HSPA9: variants seen among roughly 807,000 people sequenced by gnomAD.
The protein encoded by HSPA9 is heat shock protein family A (Hsp70) member 9, also known as stress-70 protein, mitochondrial.
In HSPA9, 28 loss-of-function variants were observed where a neutral mutation model predicts 81.5. The ratio of observed to expected loss-of-function variants is 0.34; its 90% CI spans 0.25 to 0.47. The LOEUF is 0.47. Among genes scored for constraint, HSPA9 ranks in the 20% least tolerant of loss-of-function variants. The probability of loss-of-function intolerance (pLI) is 1.00; values close to 1 mark genes in which losing one functional copy is unlikely to be tolerated. For synonymous variants in HSPA9, 293 were observed against 290.4 expected (o/e 1.01, Z -0.09); for missense variants, 678 against 838.0 (o/e 0.81, Z 2.36).
At chr5:138,560,332 C>T (rs1435536844) in intron 10 of HSPA9, among the ~76,000 whole-genome samples, 2 of 152,128 alleles carry the variant, frequency 1.3e-5, no homozygotes, top group Non-Finnish European at 2.9e-5. Context: ...GAAGGATTCT[C>T]CTAAGTTTTA....
At chr5:138,568,832 A>G in intron 5 of HSPA9, 93 bp downstream of exon 5, 1 of 1,336,428 alleles carries the variant, frequency 7.5e-7, no homozygotes, top group Non-Finnish European at 1.1e-6. Flanking sequence ...GGGACCACAG[A>G]TTCATCTACA....
At chr5:138,563,417 C>A (rs1750697901) in intron 9 of HSPA9, among the ~76,000 whole-genome samples, 2 of 152,188 alleles carry the variant, frequency 1.3e-5, no homozygotes, top group Non-Finnish European at 2.9e-5. Flanking sequence ...CCTCTACAAC[C>A]AGTCCAACAT....
chr5:138,566,673 G>T lies in HSPA9; in HGVS notation c.925C>A (p.Arg309=). Residue 309 remains arginine, a synonymous_variant, in exon 9 of 17, where the codon CGG becomes AGG. Transcript: ENST00000297185. ...CATTTAGCCTTTTCAGCAGCTTCCC[G>T]TACCCTCTGAAGTGCCATGTTGTCT... ...TKDNMALQRV[R]EAAEKAKCEL... is the part of the protein sequence containing the mutation. 1 of 1,613,892 alleles carries T rather than the reference G, an allele frequency of 6.2e-7. No individual in the cohort carries two copies.
At chr5:138,573,068 G>C (rs1392617383) in intron 3 of HSPA9, among the ~76,000 whole-genome samples, 1 of 152,060 alleles carries the variant, frequency 6.6e-6, no homozygotes, top group East Asian at 1.9e-4. Flanking sequence ...GCTAATTTTT[G>C]TATTTTTAGT....
rs959142365 is a variant in HSPA9 at position 138,554,094 on chromosome 5, T to C, written c.*1943A>G. ...CAGTAAATCTTATTCTAGATATATA[T>C]CCTATTGGCTGTAGGAAATCTCCAT... On this transcript the variant is annotated 3_prime_UTR_variant, in exon 17 of 17. Transcript: ENST00000297185. 9.2e-5 allele frequency among the ~76,000 whole-genome samples: 14 copies of C among 152,226 alleles called. No individual in the cohort carries two copies. Among genetic ancestry groups the C allele is most frequent in the African/African-American group, 3.4e-4 (14 of 41,456 alleles).
At chr5:138,571,870 C>T (rs1199883121) in intron 3 of HSPA9, among the ~76,000 whole-genome samples, 1 of 150,468 alleles carries the variant, frequency 6.6e-6, no homozygotes, top group African/African-American at 2.4e-5. Context: ...CCAAGTTGGC[C>T]AGGCTGGTCT....
In HSPA9 at chr5:138,558,673, C is replaced by A. The variant is rs112933980; in HGVS notation, c.1411-16G>T. The A allele has an allele frequency of 6.6e-3, 10,062 of 1,521,040 alleles. 164 individuals carry two copies. The highest frequency in any genetic ancestry group is 0.041 in the South Asian group (3,645 of 89,234). The allele number at this position is 1,521,040 out of a possible 1,614,324, so 94.2% of individuals were successfully genotyped here. On this transcript the variant is annotated splice_polypyrimidine_tract_variant and intron_variant, in intron 11 of 16. Transcript: ENST00000297185. ...TAGAGAATACCTAGGGAAGAAGAAA[C>A]CCTCCTGGGTTGTCAATGTGATTAA...
chr5:138,563,392 G>C (rs1248759192), intron 9 of HSPA9, among the ~76,000 whole-genome samples: 1 of 152,148 alleles, frequency 6.6e-6, no homozygotes, highest in Non-Finnish European at 1.5e-5. Flanking sequence ...AAAATCTCCA[G>C]CACTAACTCT....
Position 138,570,579 on chromosome 5 carries a change from G to A in HSPA9, c.410+381C>T, listed in dbSNP as rs535644819. On this transcript the variant is annotated intron_variant, in intron 4 of 16. Transcript: ENST00000297185. ...CGGCTCACCGCAACCACCGTCTCCCGGGTTCAAGTGATTCTCCCGTCTCAG... is the reference window on the plus strand; with the variant it reads ...CGGCTCACCGCAACCACCGTCTCCCAGGTTCAAGTGATTCTCCCGTCTCAG... Among the ~76,000 whole-genome samples, 12 of 152,190 alleles carry A rather than the reference G, an allele frequency of 7.9e-5. No homozygotes were observed. In the South Asian group the frequency reaches 1.5e-3, roughly 18 times the overall value.
Position 138,566,991 on chromosome 5 carries a change from G to GGTAACTCACCTCTCTCT in HSPA9, c.872_879+9dup, listed in dbSNP as rs41295719. The GGTAACTCACCTCTCTCT allele has an allele frequency of 0.011, 17,739 of 1,610,402 alleles. 130 individuals carry two copies. The highest frequency in any genetic ancestry group is 0.013 in the Non-Finnish European group (15,839 of 1,178,004). On this transcript the variant is annotated intron_variant, in intron 8 of 16. Transcript: ENST00000297185. The stretch of plus-strand genomic sequence containing the variant: ...CCAACGTCTACATATTAACCACATT[G>GGTAACTCACCTCTCTCT]GTAACTCACCTCTCTCTTGAACTCC...
intron 10 of HSPA9, chr5:138,561,178 G>A: frequency 4.7e-6 from 2 of 424,758 alleles, no homozygotes; most frequent in Admixed American, 4.9e-5. Flanking sequence ...CGGGGGCGGG[G>A]TATTACCAAG....
At chr5:138,560,899 T>C in intron 10 of HSPA9, 2 of 401,966 alleles carry the variant, frequency 5.0e-6, no homozygotes, top group South Asian at 1.8e-5. Context: ...ACCTTTTTTT[T>C]CCAGGTTCAT....
intron 3 of HSPA9, among the ~76,000 whole-genome samples, chr5:138,572,969 CA>C (rs1359886502): frequency 2.0e-5 from 3 of 151,834 alleles, no homozygotes; most frequent in African/African-American, 7.3e-5. Context: ...GATCTTGGCT[CA>C]CTGCAACCTC....
chr5:138,556,643 T>G, intron 15 of HSPA9, 51 bp from the exon 16 acceptor site: 1 of 1,598,682 alleles, frequency 6.3e-7, no homozygotes. Flanking sequence ...CCTGTACCAT[T>G]ACAAGTAGAA....
At chr5:138,570,725 T>C in intron 4 of HSPA9, 2 of 457,974 alleles carry the variant, frequency 4.4e-6, no homozygotes, top group Non-Finnish European at 8.1e-6. Flanking sequence ...CTTCAGGTGA[T>C]CCACCCACCT....
intron 9 of HSPA9, among the ~76,000 whole-genome samples, chr5:138,563,970 C>T (rs550731361): frequency 6.6e-6 from 1 of 152,358 alleles, no homozygotes; most frequent in South Asian, 2.1e-4. Flanking sequence ...CAGGTCTTCA[C>T]CTGAGAGCCT....
At chr5:138,561,131 C>T (rs1213057186) in intron 10 of HSPA9, 2 of 471,768 alleles carry the variant, frequency 4.2e-6, no homozygotes, top group Non-Finnish European at 8.8e-6. Context: ...CAAAGAGATG[C>T]ACTAAGCTGC....
At chr5:138,559,484 T>G (rs1221839408) in intron 11 of HSPA9, among the ~76,000 whole-genome samples, 1 of 152,112 alleles carries the variant, frequency 6.6e-6, no homozygotes, top group African/African-American at 2.4e-5. Context: ...ACCCCCTTCA[T>G]TCATCCATAA....
In HSPA9 at chr5:138,553,774, GTTAATT is replaced by G. The variant is rs942576313; in HGVS notation, c.*2257_*2262del. Among the ~76,000 whole-genome samples, 2 of 152,182 alleles carry G rather than the reference GTTAATT, an allele frequency of 1.3e-5. No homozygotes were observed. The highest frequency in any genetic ancestry group is 2.9e-5 in the Non-Finnish European group (2 of 68,022). On this transcript the variant is annotated 3_prime_UTR_variant, in exon 17 of 17. Coordinates refer to ENST00000297185, the MANE Select transcript of HSPA9 (RefSeq NM_004134.7). Reference sequence around the variant, plus strand: ...TCATTTCTTTTTGCCTTTTGTGATAGTTAATTTTATGTGTCAGTTTAGCCATTGATG... The same window carrying G: ...TCATTTCTTTTTGCCTTTTGTGATAGTTATGTGTCAGTTTAGCCATTGATG...
Sources: gnomAD v4.1 joint callset for allele counts (sites outside exome capture counted in the v4.1 genomes callset) on GRCh38, gnomAD v4.1.1 for gene constraint, MANE v1.5 for transcripts, NCBI Gene and HGNC (gene_info 2026-07-23, HGNC 2026-07-21) for gene names.